The following STK32C variants were observed in gnomAD, a reference collection of about 807,000 sequenced individuals.
STK32C encodes the protein serine/threonine kinase 32C.
STK32C carries 31 observed loss-of-function variants against 56.5 expected under a neutral mutation model. The observed-to-expected ratio is 0.55, with a 90% CI of 0.41 to 0.74. STK32C has a LOEUF of 0.74. Ranked by LOEUF, STK32C falls within the 30% of genes least tolerant of loss-of-function variation. The pLI is 0.00. For missense variants in STK32C, 544 were observed against 676.9 expected (o/e 0.80, Z 2.18); for synonymous variants, 309 against 289.4 (o/e 1.07, Z -0.69).
At chr10:132,297,778 G>A (rs562393713) in intron 1 of STK32C, among the ~76,000 whole-genome samples, 23 of 152,156 alleles carry the variant, frequency 1.5e-4, no homozygotes, top group Non-Finnish European at 2.8e-4. Context: ...AGCCCCCGTA[G>A]TCAGGGGCCC....
chr10:132,277,833 C>T lies in STK32C; in HGVS notation c.262+29739G>A, dbSNP rs536536098. Among the ~76,000 whole-genome samples the T allele has an allele frequency of 1.1e-4, 17 of 152,204 alleles. No individual in the cohort carries two copies. In the South Asian group the frequency reaches 2.1e-3, roughly 19 times the overall value. The stretch of plus-strand genomic sequence containing the variant: ...GGCTGCAGGAACCTGGCTTCTCACC[C>T]GGGGCCCGACACACCCTCCCGACCT... On this transcript the variant is annotated intron_variant, in intron 1 of 11. Transcript: ENST00000298630.
Position 132,207,817 on chromosome 10 carries a change from G to C in STK32C, c.*193C>G. On this transcript the variant is annotated 3_prime_UTR_variant, in exon 12 of 12. Coordinates refer to ENST00000298630, the MANE Select transcript of STK32C (RefSeq NM_173575.4). ...GGCCCACGGGAAATGCCCTCCACAGGTGTCCCCTGCACCCACAGCCTCTTG... is the reference window on the plus strand; with the variant it reads ...GGCCCACGGGAAATGCCCTCCACAGCTGTCCCCTGCACCCACAGCCTCTTG... 1.5e-6 allele frequency: 1 copy of C among 645,396 alleles called. No homozygotes were observed. The highest frequency in any genetic ancestry group is 1.9e-5 in the African/African-American group (1 of 53,322). 40.0% of individuals were successfully genotyped at this position (645,396 alleles called of 1,614,324 possible).
intron 1 of STK32C, among the ~76,000 whole-genome samples, chr10:132,302,576 G>C (rs2065940188): frequency 6.6e-6 from 1 of 152,192 alleles, no homozygotes; most frequent in African/African-American, 2.4e-5. Flanking sequence ...GGCCTCTGCA[G>C]CCACCAGGCT....
chr10:132,234,212 C>T (rs1368811908), intron 2 of STK32C, among the ~76,000 whole-genome samples: 2 of 152,162 alleles, frequency 1.3e-5, no homozygotes, highest in Admixed American at 6.5e-5. Flanking sequence ...GTGCATAATC[C>T]GTGATCCATC....
chr10:132,246,356 AG>A (rs1171210961), intron 1 of STK32C, among the ~76,000 whole-genome samples: 1 of 152,200 alleles, frequency 6.6e-6, no homozygotes, highest in Admixed American at 6.5e-5. Flanking sequence ...TTTTGGGGGA[AG>A]CCATGCACAC....
chr10:132,225,107 T>G (rs1406920723), intron 7 of STK32C, 126 bp downstream of exon 7: 6 of 699,550 alleles, frequency 8.6e-6, no homozygotes, highest in Non-Finnish European at 1.4e-5. Flanking sequence ...AAAGCGTGAC[T>G]CCTCAGACAC....
At chr10:132,247,600 C>T (rs1433433083) in intron 1 of STK32C, among the ~76,000 whole-genome samples, 3 of 152,032 alleles carry the variant, frequency 2.0e-5, no homozygotes, top group Non-Finnish European at 2.9e-5. Flanking sequence ...AGGTGAGGGG[C>T]CAGCCTGGGC....
intron 1 of STK32C, among the ~76,000 whole-genome samples, chr10:132,247,437 C>G (rs151006507): frequency 6.6e-6 from 1 of 152,202 alleles, no homozygotes; most frequent in Non-Finnish European, 1.5e-5. Flanking sequence ...GCCTGAGCTA[C>G]GGGTGCCGTG....
At chr10:132,285,331 AAC>A (rs1224695840) in intron 1 of STK32C, among the ~76,000 whole-genome samples, 4 of 152,268 alleles carry the variant, frequency 2.6e-5, no homozygotes, top group Non-Finnish European at 5.9e-5. Context: ...AACAGATGGA[AAC>A]ACAGAGAAAA....
chr10:132,292,003 T>C (rs2065580250), intron 1 of STK32C, among the ~76,000 whole-genome samples: 1 of 152,124 alleles, frequency 6.6e-6, no homozygotes, highest in African/African-American at 2.4e-5. Flanking sequence ...CTTCCCACCG[T>C]TGCACTGACC....
chr10:132,282,557 A>G (rs930670204), intron 1 of STK32C, among the ~76,000 whole-genome samples: 3 of 151,332 alleles, frequency 2.0e-5, no homozygotes, highest in East Asian at 2.0e-4. Flanking sequence ...GTCCTTCTGC[A>G]GTTCACTTAT....
chr10:132,227,605 A>C (rs1188498693), intron 3 of STK32C, among the ~76,000 whole-genome samples: 1 of 144,006 alleles, frequency 6.9e-6, no homozygotes, highest in Non-Finnish European at 1.5e-5. Flanking sequence ...GGTGGTGGTG[A>C]TGGCGATGAT....
chr10:132,242,688 A>T (rs2063548301), intron 2 of STK32C, among the ~76,000 whole-genome samples: 1 of 151,816 alleles, frequency 6.6e-6, no homozygotes, highest in African/African-American at 2.4e-5. Context: ...CCTGCACATC[A>T]GCCCTTGGGG....
chr10:132,267,212 CCAGTGTGGG>C (rs1481840816), intron 1 of STK32C, among the ~76,000 whole-genome samples: 1 of 152,232 alleles, frequency 6.6e-6, no homozygotes, highest in African/African-American at 2.4e-5. Context: ...AGCAGCAAGC[CCAGTGTGGG>C]GTGCAGGTCT....
intron 2 of STK32C, among the ~76,000 whole-genome samples, chr10:132,239,581 G>C (rs2063428036): frequency 6.6e-6 from 1 of 152,246 alleles, no homozygotes. Flanking sequence ...CAGGCAGTGG[G>C]CTGGTGAGGA....
intron 1 of STK32C, among the ~76,000 whole-genome samples, chr10:132,265,173 G>A (rs1204679989): frequency 1.6e-5 from 2 of 127,440 alleles, no homozygotes; most frequent in Non-Finnish European, 3.5e-5. Context: ...GGGCGGCGAG[G>A]TGGCTCTGGG....
At chr10:132,236,548 G>GA (rs2137825225) in intron 2 of STK32C, among the ~76,000 whole-genome samples, 1 of 152,344 alleles carries the variant, frequency 6.6e-6, no homozygotes, top group African/African-American at 2.4e-5. Flanking sequence ...GGACAGCCAG[G>GA]AAGGCAGCCC....
At chr10:132,208,769 G>A (rs900605157) in intron 11 of STK32C, among the ~76,000 whole-genome samples, 3 of 152,274 alleles carry the variant, frequency 2.0e-5, no homozygotes, top group East Asian at 3.9e-4. Flanking sequence ...GGCCTCCTAG[G>A]AAGTCACCAC....
intron 10 of STK32C, among the ~76,000 whole-genome samples, chr10:132,221,281 T>TC (rs2062632330): frequency 9.4e-6 from 1 of 106,674 alleles, no homozygotes; most frequent in African/African-American, 3.6e-5. Context: ...CAACTGATGC[T>TC]GACGCACCTG....
Sources: allele counts gnomAD v4.1 joint callset (sites outside exome capture counted in the v4.1 genomes callset), GRCh38; gene constraint gnomAD v4.1.1; transcripts MANE v1.5; gene names NCBI Gene and HGNC (gene_info 2026-07-23, HGNC 2026-07-21).